SYNRG: variants seen among roughly 807,000 people sequenced by gnomAD.
SYNRG encodes the protein synergin gamma.
SYNRG carries 37 observed loss-of-function variants against 130.9 expected under a neutral mutation model. The observed-to-expected ratio is 0.28, with a 90% CI of 0.22 to 0.37. The LOEUF (loss-of-function observed/expected upper bound fraction) is 0.37. Among genes scored for constraint, SYNRG ranks in the 10% least tolerant of loss-of-function variants. The probability of loss-of-function intolerance (pLI) is 1.00; values close to 1 mark genes in which losing one functional copy is unlikely to be tolerated. For missense variants in SYNRG, 1,338 were observed against 1,588.9 expected (o/e 0.84, Z 2.68); for synonymous variants, 539 against 568.1 (o/e 0.95, Z 0.73).
chr17:37,569,239 A>G (rs1053168587), intron 10 of SYNRG, among the ~76,000 whole-genome samples: 4 of 152,210 alleles, frequency 2.6e-5, no homozygotes, highest in Non-Finnish European at 2.9e-5. Flanking sequence ...GCGAAACGCC[A>G]TCTCCACTAA....
chr17:37,594,213 TA>T (rs2062494607), intron 3 of SYNRG, among the ~76,000 whole-genome samples: 5 of 92,880 alleles, frequency 5.4e-5, no homozygotes, highest in Non-Finnish European at 6.2e-5. Context: ...ATTACAATAT[TA>T]ATTATTTTAA....
intron 16 of SYNRG, among the ~76,000 whole-genome samples, chr17:37,539,625 C>T (rs1025812731): frequency 6.6e-6 from 1 of 152,190 alleles, no homozygotes; most frequent in African/African-American, 2.4e-5. Context: ...CCCGACTTGG[C>T]CTTCCAAAGT....
chr17:37,543,857 T>C (rs989450630), intron 14 of SYNRG, among the ~76,000 whole-genome samples: 11 of 152,366 alleles, frequency 7.2e-5, no homozygotes, highest in African/African-American at 1.7e-4. Flanking sequence ...TGGGTTGATA[T>C]GCATTTCGTT....
intron 9 of SYNRG, 90 bp from the exon 10 acceptor site, chr17:37,570,975 GC>G: frequency 6.8e-7 from 1 of 1,464,532 alleles, no homozygotes; most frequent in East Asian, 2.3e-5. Context: ...AAAATCTGTA[GC>G]CTTTGCATGT....
At chr17:37,578,839 C>T (rs546314627) in intron 6 of SYNRG, among the ~76,000 whole-genome samples, 3 of 152,244 alleles carry the variant, frequency 2.0e-5, no homozygotes, top group Admixed American at 6.5e-5. Context: ...AAAATGATAT[C>T]GGTGAATCTC....
chr17:37,592,037 T>A (rs2062238071), intron 3 of SYNRG, among the ~76,000 whole-genome samples: 1 of 152,118 alleles, frequency 6.6e-6, no homozygotes, highest in Admixed American at 6.5e-5. Context: ...AAGAAAATAC[T>A]TGTAAACCAC....
rs1177024563 is a variant in SYNRG at position 37,518,847 on chromosome 17, G to A, written c.*93C>T. Reference sequence around the variant, plus strand: ...GTTCTTCATATCGATTCAGGGAAGCGAACTGTGCAGTGCTCGCATTCTATT... The same window carrying A: ...GTTCTTCATATCGATTCAGGGAAGCAAACTGTGCAGTGCTCGCATTCTATT... On this transcript the variant is annotated 3_prime_UTR_variant, in exon 22 of 22. Transcript: ENST00000612223. The A allele has an allele frequency of 1.8e-5, 27 of 1,516,224 alleles. No homozygotes were observed. Among genetic ancestry groups the A allele is most frequent in the African/African-American group, 2.8e-5 (2 of 72,132 alleles). 93.9% of individuals were successfully genotyped at this position (1,516,224 alleles called of 1,614,324 possible). A position where few individuals can be genotyped will look rare whatever the true frequency, so the allele number is the denominator to read the frequency against.
intron 6 of SYNRG, among the ~76,000 whole-genome samples, chr17:37,581,835 G>A (rs867969978): frequency 6.1e-5 from 9 of 147,148 alleles, no homozygotes; most frequent in Admixed American, 1.4e-4. Context: ...CATGATCTCC[G>A]CTCACAGCAA....
chr17:37,529,441 T>C lies in SYNRG; in HGVS notation c.3666+6538A>G, dbSNP rs117564914. On this transcript the variant is annotated intron_variant, in intron 19 of 21. Transcript: ENST00000612223. ...AATGATGGAGTAGTCTATATCTTGATAGAGGCATGGGTTATATGAGGGTAT... is the reference window on the plus strand; with the variant it reads ...AATGATGGAGTAGTCTATATCTTGACAGAGGCATGGGTTATATGAGGGTAT... Among the ~76,000 whole-genome samples the C allele has an allele frequency of 9.1e-3, 1,373 of 150,202 alleles. 16 individuals carry two copies. Among genetic ancestry groups the C allele is most frequent in the Non-Finnish European group, 0.014 (918 of 67,840 alleles).
At chr17:37,536,237 G>T in intron 18 of SYNRG, 110 bp from the exon 19 acceptor site, 1 of 1,265,478 alleles carries the variant, frequency 7.9e-7, no homozygotes, top group Non-Finnish European at 1.1e-6. Context: ...GGGTGTATCT[G>T]GACAGAGGTG....
Position 37,520,173 on chromosome 17 carries a change from T to C in SYNRG, c.3813+6A>G. The C allele has an allele frequency of 6.2e-7, 1 of 1,614,194 alleles. No homozygotes were observed. On this transcript the variant is annotated splice_donor_region_variant and intron_variant, in intron 21 of 21. Transcript: ENST00000612223. Reference sequence around the variant, plus strand: ...GACGCTAAGATAAGGTGTAACTGGTTCATACTTTTTTAGGATGTTCTTCTG... The same window carrying C: ...GACGCTAAGATAAGGTGTAACTGGTCCATACTTTTTTAGGATGTTCTTCTG...
At chr17:37,520,466 G>A in intron 20 of SYNRG, 72 bp downstream of exon 20, 1 of 1,411,088 alleles carries the variant, frequency 7.1e-7, no homozygotes, top group East Asian at 2.3e-5. Context: ...GCAGTAAAGT[G>A]GGCCAGATGA....
In SYNRG at chr17:37,585,468, G is replaced by C. The variant is rs895629141; in HGVS notation, c.372-38C>G. The C allele has an allele frequency of 3.6e-6, 5 of 1,406,874 alleles. No homozygotes were observed. The African/African-American group carries it at 4.3e-5, about 12-fold the overall frequency. 87.1% of individuals were successfully genotyped at this position (1,406,874 alleles called of 1,614,324 possible). ...TGATCTAATAAAGAACCAGCTCCCG[G>C]GATTATACACTGTGTTTTATATTCA... On this transcript the variant is annotated intron_variant, in intron 4 of 21. Coordinates refer to ENST00000612223, the MANE Select transcript of SYNRG (RefSeq NM_007247.6).
chr17:37,533,926 C>CTTTTTTTTTTTTTTTTTT (rs765621244), intron 19 of SYNRG, among the ~76,000 whole-genome samples: 2 of 57,788 alleles, frequency 3.5e-5, no homozygotes, highest in Admixed American at 2.5e-4. Context: ...ATTTTCTTTT[C>CTTTTTTTTTTTTTTTTTT]TTTTTTTTTT....
At chr17:37,585,560 T>C in intron 4 of SYNRG, 130 bp from the exon 5 acceptor site, 1 of 623,266 alleles carries the variant, frequency 1.6e-6, no homozygotes, top group Non-Finnish European at 2.8e-6. Flanking sequence ...GCTAAATATC[T>C]AGTTTTCTTA....
intron 3 of SYNRG, among the ~76,000 whole-genome samples, chr17:37,592,876 A>G (rs8080313): frequency 0.17 from 26,501 of 152,102 alleles, 2,770 homozygotes; most frequent in East Asian, 0.53. Flanking sequence ...TTGTGTTACT[A>G]TATTTCTACA....
intron 19 of SYNRG, 95 bp downstream of exon 19, chr17:37,535,884 G>C (rs2057140012): frequency 6.5e-7 from 1 of 1,533,808 alleles, no homozygotes; most frequent in Admixed American, 1.8e-5. Context: ...GGCACCTCCA[G>C]CCTCTAATAA....
At position 37,518,994 on chromosome 17, in the gene SYNRG, C is replaced by A. The variant is rs530051026; in HGVS notation, c.3891G>T (p.Trp1297Cys). The A allele has an allele frequency of 6.2e-7, 1 of 1,614,172 alleles. No homozygotes were observed. The highest frequency in any genetic ancestry group is 1.3e-5 in the African/African-American group (1 of 75,036). Reference protein sequence around the residue: ...HQYHASCANFWINCVEPKPPG... With the variant: ...HQYHASCANFCINCVEPKPPG... Reference sequence around the variant, plus strand: ...GAGGCTTTGGTTCGACACAGTTGATCCAGAAGTTGGCACAGCTGGCGTGAT... The same window carrying A: ...GAGGCTTTGGTTCGACACAGTTGATACAGAAGTTGGCACAGCTGGCGTGAT... Residue 1297 changes from tryptophan to cysteine, a missense_variant, in exon 22 of 22, where the codon TGG becomes TGT. Physicochemically the swap from Trp to Cys is radical, Grantham distance 215 (BLOSUM62 -2). Coordinates refer to ENST00000612223, the MANE Select transcript of SYNRG (RefSeq NM_007247.6).
chr17:37,525,716 T>C (rs11653924), intron 19 of SYNRG, among the ~76,000 whole-genome samples: 96 of 151,806 alleles, frequency 6.3e-4, no homozygotes, highest in East Asian at 2.3e-3. Flanking sequence ...ACCTGTAATC[T>C]CAGCACTTTG....
Sources: gnomAD v4.1 joint callset for allele counts (sites outside exome capture counted in the v4.1 genomes callset) on GRCh38, gnomAD v4.1.1 for gene constraint, MANE v1.5 for transcripts, NCBI Gene and HGNC (gene_info 2026-07-23, HGNC 2026-07-21) for gene names.